Variants in DIAPH2 observed in about 807,000 individuals in gnomAD.
The protein encoded by DIAPH2 is diaphanous related formin 2, also known as protein diaphanous homolog 2.
A neutral mutation model predicts 92.7 loss-of-function variants in DIAPH2; 35 were observed. That is an observed-to-expected ratio of 0.38 (90% CI 0.29 to 0.50). DIAPH2 has a LOEUF of 0.50. Ranked by LOEUF, DIAPH2 falls within the 20% of genes least tolerant of loss-of-function variation. The pLI is 0.94. For missense variants in DIAPH2, 701 were observed against 819.5 expected, an observed-to-expected ratio of 0.86 and a Z score of 1.77; for synonymous variants, 301 against 280.4, an observed-to-expected ratio of 1.07 and a Z score of -0.73.
Position 97,440,612 on chromosome X carries a change from A to G in DIAPH2, c.3241+10867A>G, listed in dbSNP as rs911810422. On this transcript the variant is annotated intron_variant, in intron 26 of 26. Transcript: ENST00000324765. ...CGTCTCACAAAAAAAAAAAAAAAAA[A>G]AAAGAAAGAGAGAGTGTGAAGGTAT... is the stretch of plus-strand genomic sequence containing the variant. Among the ~76,000 whole-genome samples the G allele has an allele frequency of 2.2e-4, 24 of 108,825 alleles. No homozygotes were observed. The East Asian group carries it at 3.5e-3, about 16-fold the overall frequency. The allele number at this position is 108,825 out of a possible 115,157, so 94.5% of individuals were successfully genotyped here.
At chrX:97,563,909 T>G (rs2147870451) in intron 26 of DIAPH2, among the ~76,000 whole-genome samples, 1 of 111,618 alleles carries the variant, frequency 9.0e-6, no homozygotes, top group African/African-American at 3.3e-5. Flanking sequence ...GGAAAGAGAT[T>G]GGCATCCTAA....
At chrX:97,029,537 C>G (rs909164356) in intron 17 of DIAPH2, among the ~76,000 whole-genome samples, 5 of 111,331 alleles carry the variant, frequency 4.5e-5, no homozygotes, top group Non-Finnish European at 7.5e-5. Context: ...TTTTATTAAG[C>G]TAAATTGATC....
At chrX:97,136,134 GT>G (rs1185161513) in intron 21 of DIAPH2, among the ~76,000 whole-genome samples, 2 of 112,346 alleles carry the variant, frequency 1.8e-5, no homozygotes, top group East Asian at 5.6e-4. Flanking sequence ...TGAAGTGAGT[GT>G]GGGAACTTGA....
At chrX:97,135,752 C>T (rs192712340) in intron 21 of DIAPH2, among the ~76,000 whole-genome samples, 4 of 111,098 alleles carry the variant, frequency 3.6e-5, no homozygotes, top group Non-Finnish European at 3.8e-5. Context: ...GTGGCATATT[C>T]GTAACTAACT....
intron 22 of DIAPH2, among the ~76,000 whole-genome samples, chrX:97,188,843 A>G (rs923740410): frequency 1.8e-5 from 2 of 112,496 alleles, no homozygotes; most frequent in African/African-American, 6.5e-5. Flanking sequence ...CACATCATGC[A>G]ACACGGAAAG....
intron 26 of DIAPH2, among the ~76,000 whole-genome samples, chrX:97,587,209 G>A (rs2071484584): frequency 9.1e-6 from 1 of 109,957 alleles, no homozygotes; most frequent in African/African-American, 3.3e-5. Context: ...CTCCTCTTTC[G>A]AGTGCATAAG....
At position 96,830,289 on chromosome X, in the gene DIAPH2, G is replaced by A. The variant is rs377347329; in HGVS notation, c.448-51290G>A. On this transcript the variant is annotated intron_variant, in intron 4 of 26. Coordinates refer to ENST00000324765, the MANE Select transcript of DIAPH2 (RefSeq NM_006729.5). ...GATTTTTTACAAAATAAATATGAGTGGGCCAGGCGTGGTGGCTCACGCCTG... is the reference window on the plus strand; with the variant it reads ...GATTTTTTACAAAATAAATATGAGTAGGCCAGGCGTGGTGGCTCACGCCTG... Among the ~76,000 whole-genome samples the A allele has an allele frequency of 4.3e-4, 48 of 110,706 alleles. No homozygotes were observed. The South Asian group carries it at 9.6e-3, about 22-fold the overall frequency.
rs192593323 is a variant in DIAPH2 at position 97,493,675 on chromosome X, T to C, written c.3241+63930T>C. Among the ~76,000 whole-genome samples, 472 of 109,629 alleles carry C rather than the reference T, an allele frequency of 4.3e-3. 1 individual carries two copies. The highest frequency in any genetic ancestry group is 0.015 in the African/African-American group (454 of 30,185). On this transcript the variant is annotated intron_variant, in intron 26 of 26. Coordinates refer to ENST00000324765, the MANE Select transcript of DIAPH2 (RefSeq NM_006729.5). ...AGGTGGATCACTTGAGGTCAGGAGA[T>C]CGAGACCAGCCTGGCCAACGTGATG...
intron 26 of DIAPH2, among the ~76,000 whole-genome samples, chrX:97,569,750 T>C (rs2071351684): frequency 9.1e-6 from 1 of 110,488 alleles, no homozygotes; most frequent in Non-Finnish European, 1.9e-5. Context: ...TCATGGTCTG[T>C]CATGCTATTG....
Position 97,081,379 on chromosome X carries a change from C to A in DIAPH2, c.2247+6118C>A, listed in dbSNP as rs140475120. ...TTATCGCTGCTTATTTTTATTCTCT[C>A]TATGTCTATTATTGATTAATGCCAG... On this transcript the variant is annotated intron_variant, in intron 19 of 26. Coordinates refer to ENST00000324765, the MANE Select transcript of DIAPH2 (RefSeq NM_006729.5). Among the ~76,000 whole-genome samples the A allele has an allele frequency of 1.1e-3, 118 of 112,099 alleles. 2 individuals carry two copies. In the East Asian group the frequency reaches 0.032, roughly 31 times the overall value.
At chrX:97,318,667 TACAG>T (rs1411376001) in intron 23 of DIAPH2, among the ~76,000 whole-genome samples, 5 of 107,476 alleles carry the variant, frequency 4.7e-5, no homozygotes, top group Non-Finnish European at 9.6e-5. Flanking sequence ...GTATTTTTAG[TACAG>T]ACAAAGTTTC....
chrX:96,787,225 G>T (rs1209468690), intron 4 of DIAPH2, among the ~76,000 whole-genome samples: 2 of 111,781 alleles, frequency 1.8e-5, no homozygotes, highest in East Asian at 5.6e-4. Flanking sequence ...TGTCATGCTG[G>T]TGAATTCAAC....
chrX:97,044,963 TCAG>T (rs1469741920), intron 17 of DIAPH2, among the ~76,000 whole-genome samples: 2 of 111,801 alleles, frequency 1.8e-5, no homozygotes, highest in Non-Finnish European at 3.8e-5. Flanking sequence ...TTTTAACCTC[TCAG>T]CAGCATTTTA....
intron 25 of DIAPH2, among the ~76,000 whole-genome samples, chrX:97,414,389 G>A (rs1602573966): frequency 9.0e-6 from 1 of 111,658 alleles, no homozygotes; most frequent in Admixed American, 9.5e-5. Flanking sequence ...GGTGGCTGAC[G>A]CCTATAATCC....
intron 1 of DIAPH2, among the ~76,000 whole-genome samples, chrX:96,723,450 C>T (rs2064000729): frequency 9.0e-6 from 1 of 111,330 alleles, no homozygotes; most frequent in African/African-American, 3.3e-5. Context: ...CCAGTCCTGC[C>T]TATAGAAAGG....
chrX:96,772,791 T>C (rs2064347607), intron 4 of DIAPH2, among the ~76,000 whole-genome samples: 1 of 113,046 alleles, frequency 8.8e-6, no homozygotes, highest in African/African-American at 3.2e-5. Context: ...TTGTAAATTT[T>C]TAGTAACCTG....
chrX:97,149,475 T>C (rs2067269166), intron 22 of DIAPH2, among the ~76,000 whole-genome samples: 1 of 110,476 alleles, frequency 9.1e-6, no homozygotes, highest in South Asian at 3.9e-4. Flanking sequence ...CTCACGCCTG[T>C]AATCCCAGCA....
At chrX:97,326,356 C>T (rs184938203) in intron 23 of DIAPH2, among the ~76,000 whole-genome samples, 6 of 111,718 alleles carry the variant, frequency 5.4e-5, no homozygotes, top group Non-Finnish European at 7.5e-5. Flanking sequence ...ACAAGGAATG[C>T]GACCGCCATA....
chrX:96,971,196 A>G (rs1457874543), intron 17 of DIAPH2, among the ~76,000 whole-genome samples: 1 of 111,964 alleles, frequency 8.9e-6, no homozygotes, highest in Non-Finnish European at 1.9e-5. Context: ...AGGTAAGTGT[A>G]AAACCCATTA....
Sources: gnomAD v4.1 joint callset for allele counts (sites outside exome capture counted in the v4.1 genomes callset) on GRCh38, gnomAD v4.1.1 for gene constraint, MANE v1.5 for transcripts, NCBI Gene and HGNC (gene_info 2026-07-23, HGNC 2026-07-21) for gene names.